The following KHDRBS2 variants were observed in gnomAD, a reference collection of about 807,000 sequenced individuals.
KHDRBS2 encodes KH RNA binding domain containing, signal transduction associated 2.
In KHDRBS2, 26 loss-of-function variants were observed where a neutral mutation model predicts 44.3. The observed-to-expected ratio is 0.59, with a 90% CI of 0.43 to 0.81. KHDRBS2 has a LOEUF of 0.81. KHDRBS2 is among the 40% of genes least tolerant of loss of function. The probability of loss-of-function intolerance (pLI) is 0.00; values close to 1 mark genes in which losing one functional copy is unlikely to be tolerated. For missense variants in KHDRBS2, 476 were observed against 433.1 expected (o/e 1.10, Z -0.88); for synonymous variants, 194 against 151.1 (o/e 1.28, Z -2.08).
chr6:61,988,234 C>A (rs759716618), intron 3 of KHDRBS2, among the ~76,000 whole-genome samples: 6 of 152,192 alleles, frequency 3.9e-5, no homozygotes, highest in Non-Finnish European at 7.4e-5. Context: ...ATAGTAAGAG[C>A]AGCTGTTTAA....
At chr6:62,118,294 A>G (rs1396894437) in intron 2 of KHDRBS2, among the ~76,000 whole-genome samples, 2 of 152,158 alleles carry the variant, frequency 1.3e-5, no homozygotes, top group Admixed American at 6.6e-5. Context: ...TTTAGTTACT[A>G]TAAGTTTGCA....
the KHDRBS2 span, chr6:61,661,287 T>C: frequency 6.6e-6 from 1 of 151,854 alleles, no homozygotes; most frequent in African/African-American, 2.4e-5. Context: ...CTCACCTCCA[T>C]TGTTAAAAAC....
intron 7 of KHDRBS2, among the ~76,000 whole-genome samples, chr6:61,725,160 A>G (rs543670099): frequency 6.6e-6 from 1 of 152,296 alleles, no homozygotes; most frequent in Admixed American, 6.5e-5. Context: ...TTCACGAAAA[A>G]TCACACAACT....
At chr6:62,128,827 G>A (rs1024815818) in intron 2 of KHDRBS2, among the ~76,000 whole-genome samples, 4 of 151,790 alleles carry the variant, frequency 2.6e-5, no homozygotes, top group African/African-American at 9.7e-5. Flanking sequence ...TCATATCCCA[G>A]CCAACATATA....
At chr6:62,022,810 G>A (rs1366419258) in intron 3 of KHDRBS2, among the ~76,000 whole-genome samples, 1 of 151,418 alleles carries the variant, frequency 6.6e-6, no homozygotes, top group African/African-American at 2.4e-5. Context: ...TTTCTCTTAC[G>A]AGTTAATATT....
At chr6:62,031,221 G>C (rs1447609007) in intron 3 of KHDRBS2, among the ~76,000 whole-genome samples, 1 of 151,982 alleles carries the variant, frequency 6.6e-6, no homozygotes, top group African/African-American at 2.4e-5. Flanking sequence ...GCTAACTAAA[G>C]AGCCCTTGAG....
intron 7 of KHDRBS2, among the ~76,000 whole-genome samples, chr6:61,709,158 C>A (rs1043815184): frequency 1.3e-5 from 2 of 151,578 alleles, no homozygotes; most frequent in Non-Finnish European, 3.0e-5. Flanking sequence ...CATATAGAAG[C>A]AAAGCTTCTC....
At chr6:61,909,070 A>T (rs1487985306) in intron 4 of KHDRBS2, among the ~76,000 whole-genome samples, 1 of 145,344 alleles carries the variant, frequency 6.9e-6, no homozygotes, top group African/African-American at 2.5e-5. Flanking sequence ...TCATATATAG[A>T]TTTTTTTTTT....
At chr6:62,127,107 C>T (rs190072023) in intron 2 of KHDRBS2, among the ~76,000 whole-genome samples, 32 of 152,242 alleles carry the variant, frequency 2.1e-4, no homozygotes, top group Admixed American at 1.2e-3. Flanking sequence ...TTTAATTTGG[C>T]GTGGTTTAAA....
the KHDRBS2 span, among the ~76,000 whole-genome samples, chr6:61,594,231 T>G: frequency 7.4e-6 from 1 of 135,574 alleles, no homozygotes; most frequent in Non-Finnish European, 1.6e-5. Flanking sequence ...CATTAAAAAA[T>G]GAGCAACAGT....
chr6:61,637,878 G>C, the KHDRBS2 span, among the ~76,000 whole-genome samples: 1 of 151,868 alleles, frequency 6.6e-6, no homozygotes, highest in Non-Finnish European at 1.5e-5. Flanking sequence ...TTTTGATGGG[G>C]GTGTTTGTTT....
intron 1 of KHDRBS2, among the ~76,000 whole-genome samples, chr6:62,179,745 C>A (rs1384891528): frequency 2.0e-5 from 3 of 151,776 alleles, no homozygotes; most frequent in Non-Finnish European, 4.4e-5. Context: ...TAGACATCTG[C>A]AATTTGATCA....
At chr6:61,664,203 A>T in the KHDRBS2 span, among the ~76,000 whole-genome samples, 96 of 151,916 alleles carry the variant, frequency 6.3e-4, no homozygotes, top group Middle Eastern at 3.4e-3. Flanking sequence ...GTTTTAATTC[A>T]ACACCCTTCC....
intron 4 of KHDRBS2, among the ~76,000 whole-genome samples, chr6:61,919,531 G>C (rs1363809719): frequency 6.6e-6 from 1 of 151,832 alleles, no homozygotes; most frequent in Non-Finnish European, 1.5e-5. Context: ...TAGCTCAGAA[G>C]ACCATTTTTT....
intron 6 of KHDRBS2, among the ~76,000 whole-genome samples, chr6:61,803,077 G>C (rs1786544806): frequency 6.6e-6 from 1 of 152,150 alleles, no homozygotes; most frequent in Admixed American, 6.6e-5. Flanking sequence ...TCTTGACTTT[G>C]TTTTCACAGA....
chr6:61,837,550 C>T (rs1792891621), intron 6 of KHDRBS2, among the ~76,000 whole-genome samples: 1 of 151,910 alleles, frequency 6.6e-6, no homozygotes, highest in South Asian at 2.1e-4. Context: ...CCTTACTTTC[C>T]CTTTCCTCTA....
At chr6:61,738,415 T>G (rs1775698330) in intron 6 of KHDRBS2, among the ~76,000 whole-genome samples, 1 of 151,996 alleles carries the variant, frequency 6.6e-6, no homozygotes, top group Non-Finnish European at 1.5e-5. Flanking sequence ...AGTTATAAAT[T>G]CTTTAGTTTT....
chr6:61,799,019 G>A (rs1318145492), intron 6 of KHDRBS2, among the ~76,000 whole-genome samples: 1 of 151,984 alleles, frequency 6.6e-6, no homozygotes, highest in Non-Finnish European at 1.5e-5. Context: ...CAAAGGAACA[G>A]GTGAAAAACT....
At chr6:61,900,779 C>T (rs1803833245) in intron 5 of KHDRBS2, among the ~76,000 whole-genome samples, 1 of 152,134 alleles carries the variant, frequency 6.6e-6, no homozygotes, top group African/African-American at 2.4e-5. Context: ...AATTCAAGAA[C>T]CATTTAAAGC....
Sources: gnomAD v4.1 joint callset for allele counts (sites outside exome capture counted in the v4.1 genomes callset) on GRCh38, gnomAD v4.1.1 for gene constraint, MANE v1.5 for transcripts, NCBI Gene and HGNC (gene_info 2026-07-23, HGNC 2026-07-21) for gene names.